The following EPG5 variants were observed in gnomAD, a reference collection of about 807,000 sequenced individuals.
EPG5 encodes the protein ectopic P granules protein 5 homolog.
Under a neutral mutation model 302.7 loss-of-function variants are expected in EPG5, and 159 were observed. The observed-to-expected ratio is 0.53, with a 90% CI of 0.46 to 0.60. EPG5 has a LOEUF of 0.60. Among genes scored for constraint, EPG5 ranks in the 20% least tolerant of loss-of-function variants. The pLI is 0.00. For synonymous variants in EPG5, 1,158 were observed against 1,136.8 expected, an observed-to-expected ratio of 1.02 and a Z score of -0.37; for missense variants, 2,896 against 3,092.4, an observed-to-expected ratio of 0.94 and a Z score of 1.51.
chr18:45,904,208 G>T, intron 24 of EPG5, 91 bp from the exon 25 acceptor site: 1 of 1,433,848 alleles, frequency 7.0e-7, no homozygotes, highest in Non-Finnish European at 9.4e-7. Context: ...GAACCAGTAA[G>T]TTTCAACACG....
rs956531816 is a variant in EPG5 at position 45,923,387 on chromosome 18, C to G, written c.2719G>C (p.Ala907Pro). The G allele has an allele frequency of 1.9e-6, 3 of 1,606,124 alleles. No homozygotes were observed. In the Admixed American group the frequency reaches 5.2e-5, roughly 28 times the overall value. Residue 907 changes from alanine (A) to proline (P), a missense_variant and splice_region_variant, in exon 15 of 44, where the codon GCT becomes CCT. Around this residue, in one of 5 missense-constraint regions of EPG5, gnomAD observed 1,390 missense variants for 1,430.0 expected, o/e 0.97. Transcript: ENST00000282041. ...EGLNWGFAKQ[A>P]TLHLDQAVHA... ...ACTGCTTGATCCAGATGAAGGGTAGCCTTTTAAAGAGAAAAATAATCACAA... is the reference window on the plus strand; with the variant it reads ...ACTGCTTGATCCAGATGAAGGGTAGGCTTTTAAAGAGAAAAATAATCACAA...
At chr18:45,806,904 C>T in the EPG5 span, among the ~76,000 whole-genome samples, 1 of 152,186 alleles carries the variant, frequency 6.6e-6, no homozygotes, top group Admixed American at 6.5e-5. Flanking sequence ...GGTGTGCAGA[C>T]TCCACAGGCA....
Position 45,922,458 on chromosome 18 carries a change from G to A in EPG5, c.2981C>T (p.Ser994Phe), listed in dbSNP as rs2050179430. 6.2e-7 allele frequency: 1 copy of A among 1,614,258 alleles called. No individual in the cohort carries two copies. The highest frequency in any genetic ancestry group is 2.2e-5 in the East Asian group (1 of 44,890). ...CTCTGTCATGTCAGGCACAGTGACG[G>A]AGAAGGGAACAGCTGGACAATTCGG... ...IQPNCPAVPF[S>F]VTVPDMTESP... The change falls in exon 16 of 44, where the codon TCC (serine) becomes TTC (phenylalanine). Residue 994 changes from serine to phenylalanine, a missense_variant. Coordinates refer to ENST00000282041, the MANE Select transcript of EPG5 (RefSeq NM_020964.3).
chr18:45,801,875 C>A, the EPG5 span, among the ~76,000 whole-genome samples: 8 of 152,158 alleles, frequency 5.3e-5, no homozygotes, highest in African/African-American at 9.7e-5. Flanking sequence ...TGGCATCCAC[C>A]CCCTTCAGGG....
chr18:45,942,780 A>G (rs1387409856), intron 9 of EPG5, among the ~76,000 whole-genome samples: 2 of 152,202 alleles, frequency 1.3e-5, no homozygotes, highest in Non-Finnish European at 2.9e-5. Context: ...TTAATAAAGC[A>G]GAAAAAAGAG....
chr18:45,961,426 A>G (rs1291476716), intron 1 of EPG5, among the ~76,000 whole-genome samples: 1 of 152,184 alleles, frequency 6.6e-6, no homozygotes, highest in Non-Finnish European at 1.5e-5. Flanking sequence ...GCCTCCTTGC[A>G]GTTCCAAGGA....
At chr18:45,933,328 C>T (rs1452316760) in intron 11 of EPG5, among the ~76,000 whole-genome samples, 3 of 152,034 alleles carry the variant, frequency 2.0e-5, no homozygotes, top group African/African-American at 7.2e-5. Context: ...AAAGAGGACG[C>T]ATGCAGAGCC....
chr18:45,872,010 A>G (rs1250955055), intron 35 of EPG5, among the ~76,000 whole-genome samples: 2 of 152,242 alleles, frequency 1.3e-5, no homozygotes, highest in African/African-American at 2.4e-5. Context: ...ATCATGCCAC[A>G]CTGTAAATCA....
chr18:45,891,271 C>T (rs990929889), intron 27 of EPG5, among the ~76,000 whole-genome samples: 2 of 151,662 alleles, frequency 1.3e-5, no homozygotes, highest in African/African-American at 2.4e-5. Context: ...GGCCGAGGTG[C>T]GCGGATCACT....
At chr18:45,825,529 G>C in the EPG5 span, 8 of 580,674 alleles carry the variant, frequency 1.4e-5, no homozygotes, top group African/African-American at 3.7e-5. Context: ...TAAACTCCAC[G>C]GGGCTTGAAT....
chr18:45,935,051 A>G (rs1349479843), intron 10 of EPG5, 85 bp from the exon 11 acceptor site: 19 of 1,339,410 alleles, frequency 1.4e-5, no homozygotes, highest in Non-Finnish European at 1.8e-5. Context: ...TCAAGGAAAA[A>G]AAGATTCTTA....
intron 12 of EPG5, among the ~76,000 whole-genome samples, chr18:45,930,130 G>A (rs552985609): frequency 8.9e-4 from 136 of 152,274 alleles, no homozygotes; most frequent in African/African-American, 3.1e-3. Flanking sequence ...CACCTTCACG[G>A]ATGGCTCAGT....
chr18:45,812,772 G>T, the EPG5 span, among the ~76,000 whole-genome samples: 1 of 152,306 alleles, frequency 6.6e-6, no homozygotes, highest in Admixed American at 6.5e-5. Context: ...ATTAATTCAA[G>T]ATGGATTAAA....
chr18:45,897,505 T>G (rs1441449963), intron 27 of EPG5, among the ~76,000 whole-genome samples: 2 of 152,198 alleles, frequency 1.3e-5, no homozygotes, highest in African/African-American at 2.4e-5. Flanking sequence ...TTTTATTACT[T>G]CAGCAAGCGA....
chr18:45,967,310 T>G lies in EPG5; in HGVS notation c.-71A>C. On this transcript the variant is annotated 5_prime_UTR_variant, in exon 1 of 44. Transcript: ENST00000282041. The stretch of plus-strand genomic sequence containing the variant: ...GCGCTTCAAGCAACCTGCCCGGTTC[T>G]GGCCTCCGGACTGTCACATGATCGA... The G allele has an allele frequency of 1.4e-6, 2 of 1,419,530 alleles. No individual in the cohort carries two copies. The highest frequency in any genetic ancestry group is 2.7e-5 in the South Asian group (2 of 72,770). The allele number at this position is 1,419,530 out of a possible 1,614,324, so 87.9% of individuals were successfully genotyped here. A position where few individuals can be genotyped will look rare whatever the true frequency, so the allele number is the denominator to read the frequency against.
chr18:45,839,055 G>GCTC, the EPG5 span: 7 of 1,517,140 alleles, frequency 4.6e-6, no homozygotes, highest in Non-Finnish European at 5.2e-6. Flanking sequence ...CGCTGCTGCT[G>GCTC]CTCGGGGTCC....
chr18:45,875,919 T>C (rs2048959305), intron 35 of EPG5, among the ~76,000 whole-genome samples: 1 of 151,998 alleles, frequency 6.6e-6, no homozygotes, highest in East Asian at 1.9e-4. Flanking sequence ...TAGCCAGGTG[T>C]GGCGGCATGC....
At chr18:45,936,148 A>T (rs2050517486) in intron 10 of EPG5, among the ~76,000 whole-genome samples, 1 of 152,214 alleles carries the variant, frequency 6.6e-6, no homozygotes, top group Non-Finnish European at 1.5e-5. Context: ...TTGGTGACTC[A>T]GACTCAAGTG....
intron 13 of EPG5, among the ~76,000 whole-genome samples, chr18:45,926,783 G>C (rs2050279558): frequency 1.3e-5 from 2 of 149,534 alleles, no homozygotes; most frequent in African/African-American, 4.9e-5. Context: ...CTGCACTCCA[G>C]CCTGGGTGAC....
Sources: gnomAD v4.1 joint callset for allele counts (sites outside exome capture counted in the v4.1 genomes callset) on GRCh38, gnomAD v4.1.1 for gene constraint, gnomAD v4.1.1 regional missense constraint, MANE v1.5 for transcripts, NCBI Gene and HGNC (gene_info 2026-07-23, HGNC 2026-07-21) for gene names.